Variants in AFF4 observed in about 807,000 individuals in gnomAD.
The protein encoded by AFF4 is AF4/FMR2 family member 4.
A neutral mutation model predicts 124.8 loss-of-function variants in AFF4; 13 were observed. That is an observed-to-expected ratio of 0.10 (90% confidence interval 0.07 to 0.17). The LOEUF (loss-of-function observed/expected upper bound fraction) is 0.17, where lower values mean the gene tolerates loss of function less well. Among genes scored for constraint, AFF4 ranks in the 10% least tolerant of loss-of-function variants. AFF4 has a pLI of 1.00. For missense variants in AFF4, 1,092 were observed against 1,403.8 expected, an observed-to-expected ratio of 0.78 and a Z score of 3.55; for synonymous variants, 477 against 496.1, an observed-to-expected ratio of 0.96 and a Z score of 0.51.
rs773445484 is a variant in AFF4 at position 132,937,115 on chromosome 5, T to C, written c.75A>G (p.Glu25=). ...GAGGAGAGCTAGGTGGGAAGGCGTC[T>C]TCGCCCTGCTGAATTTCCTGATTCC... ...ERRNQEIQQG[E]DAFPPSSPLF... Residue 25 remains glutamate (E), a synonymous_variant, in exon 2 of 21, where the codon GAA becomes GAG. Transcript: ENST00000265343. 1.2e-6 allele frequency: 2 copies of C among 1,613,994 alleles called. No individual in the cohort carries two copies. The highest frequency in any genetic ancestry group is 1.1e-5 in the South Asian group (1 of 91,064).
Position 132,876,359 on chromosome 5 carries a change from GA to G in AFF4, c.*4699del. 4.4e-6 allele frequency: 1 copy of G among 228,614 alleles called. No individual in the cohort carries two copies. Among genetic ancestry groups the G allele is most frequent in the Non-Finnish European group, 8.7e-6 (1 of 114,918 alleles). The allele number at this position is 228,614 out of a possible 1,614,324, so 14.2% of individuals were successfully genotyped here. ...ATTTGAAAGGCAGCATTTCCAAATT[GA>G]TATTTTCCAGAGAGGAACATAGCAG... On this transcript the variant is annotated 3_prime_UTR_variant, in exon 21 of 21. Transcript: ENST00000265343.
intron 1 of AFF4, among the ~76,000 whole-genome samples, chr5:132,961,958 C>T (rs1049048239): frequency 6.6e-6 from 1 of 152,164 alleles, no homozygotes; most frequent in Non-Finnish European, 1.5e-5. Flanking sequence ...TATTTAGGAG[C>T]TGAAAGATGC....
chr5:132,899,227 G>T, intron 8 of AFF4, 86 bp from the exon 9 acceptor site: 1 of 1,281,092 alleles, frequency 7.8e-7, no homozygotes, highest in Non-Finnish European at 1.1e-6. Flanking sequence ...ACTCTTAACA[G>T]AAAAAACTGG....
intron 6 of AFF4, 151 bp from the exon 7 acceptor site, chr5:132,902,638 G>C (rs1760579711): frequency 3.1e-6 from 2 of 650,194 alleles, no homozygotes; most frequent in African/African-American, 1.8e-5. Flanking sequence ...CCAATAATAT[G>C]AGATACTGGT....
intron 3 of AFF4, 40 bp from the exon 4 acceptor site, chr5:132,932,262 A>G: frequency 6.4e-7 from 1 of 1,559,114 alleles, no homozygotes; most frequent in Non-Finnish European, 8.7e-7. Context: ...TTTTATCAGT[A>G]GATTTTTAGT....
intron 5 of AFF4, among the ~76,000 whole-genome samples, chr5:132,920,496 T>C (rs538287688): frequency 5.9e-5 from 9 of 151,738 alleles, no homozygotes; most frequent in Admixed American, 4.6e-4. Context: ...GCTGGGACTA[T>C]AGGTCATGCC....
At chr5:132,900,212 G>C (rs1200033719) in intron 7 of AFF4, among the ~76,000 whole-genome samples, 1 of 152,056 alleles carries the variant, frequency 6.6e-6, no homozygotes, top group African/African-American at 2.4e-5. Flanking sequence ...AAATATTTTG[G>C]GTAAAAGTCC....
At chr5:132,957,868 G>A (rs775698029) in intron 1 of AFF4, among the ~76,000 whole-genome samples, 2 of 152,136 alleles carry the variant, frequency 1.3e-5, no homozygotes, top group Non-Finnish European at 2.9e-5. Context: ...CAAAGACCTG[G>A]CTTCTTCAAC....
Position 132,948,271 on chromosome 5 carries a change from G to A in AFF4, c.-4-11078C>T, listed in dbSNP as rs183736040. 5.3e-5 allele frequency among the ~76,000 whole-genome samples: 8 copies of A among 152,088 alleles called. No individual in the cohort carries two copies. The East Asian group carries it at 7.7e-4, about 15-fold the overall frequency. ...TCACCATGTTGGCCAAGATGGTCTCGATCTCCTGACCTCATGATCCGCCCA... is the reference window on the plus strand; with the variant it reads ...TCACCATGTTGGCCAAGATGGTCTCAATCTCCTGACCTCATGATCCGCCCA... On this transcript the variant is annotated intron_variant, in intron 1 of 20. Transcript: ENST00000265343.
intron 20 of AFF4, 108 bp from the exon 21 acceptor site, chr5:132,881,294 C>T: frequency 8.6e-7 from 1 of 1,162,676 alleles, no homozygotes; most frequent in South Asian, 1.6e-5. Flanking sequence ...AAAAATACCT[C>T]CTCCTACACT....
rs1289540511 is a variant in AFF4 at position 132,949,857 on chromosome 5, A to C, written c.-4-12664T>G. ...AGCGAGACTCTGTCTCAAAAAAAAA[A>C]AAAAAAAAAAGTAAAAATTAGCCAG... is the stretch of plus-strand genomic sequence containing the variant. On this transcript the variant is annotated intron_variant, in intron 1 of 20. Transcript: ENST00000265343. Among the ~76,000 whole-genome samples the C allele has an allele frequency of 2.6e-5, 4 of 151,560 alleles. No individual in the cohort carries two copies. In the East Asian group the frequency reaches 7.7e-4, roughly 29 times the overall value.
At chr5:132,908,777 T>TATATA (rs1554075345) in intron 5 of AFF4, among the ~76,000 whole-genome samples, 7 of 77,568 alleles carry the variant, frequency 9.0e-5, no homozygotes, top group African/African-American at 4.2e-4. Flanking sequence ...TATATATATA[T>TATATA]TTTTTTTTTT....
intron 5 of AFF4, 89 bp downstream of exon 5, chr5:132,927,032 G>A: frequency 9.3e-7 from 1 of 1,076,444 alleles, no homozygotes; most frequent in South Asian, 1.4e-5. Flanking sequence ...ACTAGAATAG[G>A]AATGGCAAGA....
At position 132,891,844 on chromosome 5, in the gene AFF4, G is replaced by T. The variant is rs1015360602; in HGVS notation, c.2637+320C>A. The T allele has an allele frequency of 6.5e-5, 27 of 417,294 alleles. No individual in the cohort carries two copies. In the South Asian group the frequency reaches 1.3e-3, roughly 20 times the overall value. 25.8% of individuals were successfully genotyped at this position (417,294 alleles called of 1,614,324 possible). A position where few individuals can be genotyped will look rare whatever the true frequency, so the allele number is the denominator to read the frequency against. On this transcript the variant is annotated intron_variant, in intron 13 of 20. Coordinates refer to ENST00000265343, the MANE Select transcript of AFF4 (RefSeq NM_014423.4). ...ATTTTAAAGTTCTTTTACAGACAGG[G>T]TCTCACCACATTGCCCAGGCTGGAC...
intron 1 of AFF4, among the ~76,000 whole-genome samples, chr5:132,938,115 TA>T (rs905774728): frequency 1.1e-4 from 16 of 149,066 alleles, no homozygotes; most frequent in East Asian, 3.9e-4. Context: ...TTTTTTTTTT[TA>T]AAAAAAAAGG....
chr5:132,935,642 G>A (rs1234715411), intron 2 of AFF4, among the ~76,000 whole-genome samples: 2 of 151,988 alleles, frequency 1.3e-5, no homozygotes, highest in African/African-American at 4.8e-5. Flanking sequence ...GTGGTGGCGG[G>A]TGTCTGTAAT....
intron 1 of AFF4, among the ~76,000 whole-genome samples, chr5:132,962,117 C>G (rs547142457): frequency 6.6e-6 from 1 of 152,108 alleles, no homozygotes; most frequent in Non-Finnish European, 1.5e-5. Context: ...TTATCAAATC[C>G]CAAATTAAGA....
chr5:132,908,058 A>G (rs1760709539), intron 5 of AFF4, among the ~76,000 whole-genome samples: 1 of 151,860 alleles, frequency 6.6e-6, no homozygotes, highest in Admixed American at 6.6e-5. Context: ...ATACAAAATG[A>G]GGTTACTGGA....
Position 132,892,384 on chromosome 5 carries a change from G to T in AFF4, c.2417C>A (p.Ala806Glu), listed in dbSNP as rs778505441. 1 of 1,613,298 alleles carries T rather than the reference G, an allele frequency of 6.2e-7. No homozygotes were observed. The highest frequency in any genetic ancestry group is 1.1e-5 in the South Asian group (1 of 91,074). Residue 806 changes from alanine to glutamate, a missense_variant, in exon 13 of 21, where the codon GCA becomes GAA. Physicochemically the swap from Ala to Glu is moderately radical, Grantham distance 107. This residue lies in a region of AFF4 where 293 missense variants were observed against 280.2 expected (regional missense o/e 1.05). Transcript: ENST00000265343. ...AGAAGGCAACAAATCCTTTTCTTTT[G>T]CAGCACTCTGCTTAGATGACCTGCC... Reference protein sequence around the residue: ...SNRESSKQSAAKEKDLLPSPA... With the variant: ...SNRESSKQSAEKEKDLLPSPA...
Sources: gnomAD v4.1 joint callset for allele counts (sites outside exome capture counted in the v4.1 genomes callset) on GRCh38, gnomAD v4.1.1 for gene constraint, gnomAD v4.1.1 regional missense constraint, MANE v1.5 for transcripts, NCBI Gene and HGNC (gene_info 2026-07-23, HGNC 2026-07-21) for gene names.